NRG3: variants seen among roughly 807,000 people sequenced by gnomAD.
NRG3 encodes neuregulin 3.
NRG3 carries 31 observed loss-of-function variants against 66.9 expected under a neutral mutation model. The ratio of observed to expected loss-of-function variants is 0.46; its 90% CI spans 0.35 to 0.63. NRG3 has a LOEUF of 0.63. NRG3 is among the 20% of genes least tolerant of loss of function. The pLI, the probability that NRG3 is intolerant of heterozygous loss-of-function variation, is 0.00. For synonymous variants in NRG3, 393 were observed against 359.4 expected (o/e 1.09, Z -1.06); for missense variants, 910 against 878.9 (o/e 1.04, Z -0.45).
rs756421839 is a variant in NRG3, at chr10:82,398,522, T to TGAGAGAGA, written c.953+39655_953+39656insAGAGAGAG. Among the ~76,000 whole-genome samples, 260 of 142,118 alleles carry TGAGAGAGA rather than the reference T, an allele frequency of 1.8e-3. 1 individual carries two copies. Among genetic ancestry groups the TGAGAGAGA allele is most frequent in the African/African-American group, 6.3e-3 (232 of 37,076 alleles). 93.2% of individuals were successfully genotyped at this position (142,118 alleles called of 152,430 possible). On this transcript the variant is annotated intron_variant, in intron 2 of 8. Coordinates refer to ENST00000372141, the MANE Select transcript of NRG3 (RefSeq NM_001010848.4). Reference sequence around the variant, plus strand: ...GTGTGTGTGTGTGTGTGTGTGTGTGTGTGTGAGAGAGAGAGAGAGAGAGTA... The same window carrying TGAGAGAGA: ...GTGTGTGTGTGTGTGTGTGTGTGTGTGAGAGAGAGTGTGAGAGAGAGAGAGAGAGAGTA...
chr10:81,876,836 A>G (rs1010398945), intron 1 of NRG3, among the ~76,000 whole-genome samples: 2 of 152,052 alleles, frequency 1.3e-5, no homozygotes, highest in African/African-American at 4.8e-5. Context: ...AGGTGTAGAC[A>G]TAGATTCTGT....
chr10:82,445,090 G>A (rs2090641853), intron 2 of NRG3, among the ~76,000 whole-genome samples: 1 of 151,760 alleles, frequency 6.6e-6, no homozygotes, highest in Non-Finnish European at 1.5e-5. Context: ...GAAGGTCTAA[G>A]GTTCTTCTTT....
At chr10:82,739,140 G>T (rs1485444979) in intron 3 of NRG3, among the ~76,000 whole-genome samples, 1 of 152,100 alleles carries the variant, frequency 6.6e-6, no homozygotes, top group African/African-American at 2.4e-5. Context: ...TCCATTTTTG[G>T]CAACACTATT....
intron 2 of NRG3, among the ~76,000 whole-genome samples, chr10:82,652,720 G>A (rs2051524271): frequency 6.6e-6 from 1 of 152,152 alleles, no homozygotes; most frequent in Admixed American, 6.5e-5. Context: ...TTTTCGGCTT[G>A]AGGGTGGGGC....
intron 1 of NRG3, among the ~76,000 whole-genome samples, chr10:82,357,629 CT>C (rs1307913259): frequency 1.3e-5 from 2 of 152,112 alleles, no homozygotes; most frequent in Non-Finnish European, 1.5e-5. Flanking sequence ...CTCAGTCCTT[CT>C]TTCTCTTCTT....
intron 1 of NRG3, among the ~76,000 whole-genome samples, chr10:81,917,532 A>G (rs1268393385): frequency 6.6e-6 from 1 of 152,192 alleles, no homozygotes; most frequent in Non-Finnish European, 1.5e-5. Flanking sequence ...GTTTGTATAA[A>G]TTACCTTGAG....
At chr10:82,701,809 T>C (rs1216784184) in intron 2 of NRG3, among the ~76,000 whole-genome samples, 1 of 152,194 alleles carries the variant, frequency 6.6e-6, no homozygotes. Context: ...CTTTGAGCTA[T>C]GGCAGCAAAC....
chr10:82,771,544 C>A (rs1252928349), intron 3 of NRG3, among the ~76,000 whole-genome samples: 1 of 152,112 alleles, frequency 6.6e-6, no homozygotes, highest in African/African-American at 2.4e-5. Flanking sequence ...GCAATCTGTT[C>A]TTATTCCATG....
rs149414979 is a variant in NRG3 at position 82,624,397 on chromosome 10, C to G, written c.954-114180C>G. ...TCAACCTAATTACACCAAATTTTGC[C>G]TTCCTTCCTTTTTCCCCCACCTTAA... is the stretch of plus-strand genomic sequence containing the variant. On this transcript the variant is annotated intron_variant, in intron 2 of 8. Coordinates refer to ENST00000372141, the MANE Select transcript of NRG3 (RefSeq NM_001010848.4). Among the ~76,000 whole-genome samples, 6 of 152,054 alleles carry G rather than the reference C, an allele frequency of 3.9e-5. No individual in the cohort carries two copies. The East Asian group carries it at 1.2e-3, about 29-fold the overall frequency.
intron 2 of NRG3, among the ~76,000 whole-genome samples, chr10:82,582,220 T>C (rs1032384865): frequency 6.6e-6 from 1 of 152,116 alleles, no homozygotes; most frequent in Non-Finnish European, 1.5e-5. Context: ...TGAGAGTATT[T>C]GAGGTCATGG....
intron 2 of NRG3, among the ~76,000 whole-genome samples, chr10:82,662,251 TG>T (rs67247477): frequency 0.42 from 64,414 of 151,852 alleles, 14,599 homozygotes; most frequent in Non-Finnish European, 0.51. Flanking sequence ...GGGTGTGGGT[TG>T]GGGGCAAGAA....
intron 2 of NRG3, among the ~76,000 whole-genome samples, chr10:82,465,240 T>C: frequency 6.6e-6 from 1 of 152,198 alleles, no homozygotes; most frequent in Non-Finnish European, 1.5e-5. Flanking sequence ...GGAGCACATT[T>C]GCAAGAGATT....
chr10:82,226,623 T>G (rs2076174569), intron 1 of NRG3, among the ~76,000 whole-genome samples: 1 of 152,178 alleles, frequency 6.6e-6, no homozygotes, highest in African/African-American at 2.4e-5. Flanking sequence ...AAATATTGAC[T>G]GGGTTCTTAA....
chr10:81,913,378 TCTTA>T (rs1845359057), intron 1 of NRG3, among the ~76,000 whole-genome samples: 1 of 152,142 alleles, frequency 6.6e-6, no homozygotes, highest in Admixed American at 6.5e-5. Context: ...CCGTGGCTTT[TCTTA>T]CTTGTTCTTA....
chr10:81,883,095 C>T (rs534916189), intron 1 of NRG3, among the ~76,000 whole-genome samples: 266 of 152,188 alleles, frequency 1.7e-3, no homozygotes, highest in Non-Finnish European at 2.9e-3. Flanking sequence ...GTCATTGGGT[C>T]TTTAGATTTT....
intron 2 of NRG3, among the ~76,000 whole-genome samples, chr10:82,487,876 A>G (rs956444405): frequency 6.6e-6 from 1 of 152,190 alleles, no homozygotes; most frequent in Non-Finnish European, 1.5e-5. Flanking sequence ...TGTAGTCAAT[A>G]TATTGATTAC....
intron 1 of NRG3, among the ~76,000 whole-genome samples, chr10:82,042,578 G>A (rs1385357756): frequency 6.6e-6 from 1 of 151,972 alleles, no homozygotes; most frequent in African/African-American, 2.4e-5. Context: ...TCATGTTGAA[G>A]ACAAAGTATT....
chr10:82,491,316 A>ATATATATATATATATAC (rs1389375279), intron 2 of NRG3, among the ~76,000 whole-genome samples: 11 of 136,800 alleles, frequency 8.0e-5, no homozygotes, highest in South Asian at 4.9e-4. Context: ...ATATATATAT[A>ATATATATATATATATAC]AAATAAAGAT....
intron 2 of NRG3, among the ~76,000 whole-genome samples, chr10:82,697,311 A>T (rs975963489): frequency 2.0e-5 from 3 of 152,218 alleles, no homozygotes; most frequent in Admixed American, 1.3e-4. Context: ...AAACCTGCTT[A>T]AGGTAACTGG....
Sources: gnomAD v4.1 joint callset for allele counts (sites outside exome capture counted in the v4.1 genomes callset) on GRCh38, gnomAD v4.1.1 for gene constraint, MANE v1.5 for transcripts, NCBI Gene and HGNC (gene_info 2026-07-23, HGNC 2026-07-21) for gene names.